Variants in LRRC4C observed in about 807,000 individuals in gnomAD.
The protein encoded by LRRC4C is leucine-rich repeat-containing protein 4C.
LRRC4C carries 5 observed loss-of-function variants against 33.6 expected under a neutral mutation model. The observed-to-expected ratio is 0.15, with a 90% CI of 0.08 to 0.31. The LOEUF is 0.31. LRRC4C is among the 10% of genes least tolerant of loss of function. LRRC4C has a pLI of 1.00. For missense variants in LRRC4C, 560 were observed against 796.7 expected, an observed-to-expected ratio of 0.70 and a Z score of 3.58; for synonymous variants, 329 against 302.0, an observed-to-expected ratio of 1.09 and a Z score of -0.93.
intron 3 of LRRC4C, among the ~76,000 whole-genome samples, chr11:40,557,494 T>C (rs1957376411): frequency 6.6e-6 from 1 of 152,218 alleles, no homozygotes; most frequent in Non-Finnish European, 1.5e-5. Context: ...ATTATCTTTA[T>C]GATTAGAAAA....
chr11:41,308,793 C>A (rs1018344754), intron 1 of LRRC4C, among the ~76,000 whole-genome samples: 1 of 151,714 alleles, frequency 6.6e-6, no homozygotes, highest in Non-Finnish European at 1.5e-5. Flanking sequence ...CCTGCAGATA[C>A]AACGTCTCTT....
At chr11:40,909,750 C>A (rs1056973259) in intron 2 of LRRC4C, among the ~76,000 whole-genome samples, 3 of 152,044 alleles carry the variant, frequency 2.0e-5, no homozygotes, top group East Asian at 1.9e-4. Context: ...TTACAAAGGG[C>A]AGTTTACTTA....
In LRRC4C at chr11:41,459,487, G is replaced by T. The variant is rs1459109166; in HGVS notation, c.-552C>A. On this transcript the variant is annotated 5_prime_UTR_variant, in exon 1 of 7. Coordinates refer to ENST00000528697, the MANE Select transcript of LRRC4C (RefSeq NM_001258419.2). ...AAAATTTACAATCCTCTAGCTTGCC[G>T]TGCACTACTCTATTTTCTTTTCTTC... 2 of 151,924 alleles carry T rather than the reference G, an allele frequency of 1.3e-5. No homozygotes were observed. The highest frequency in any genetic ancestry group is 2.9e-5 in the Non-Finnish European group (2 of 68,000). The allele number at this position is 151,924 out of a possible 1,614,324, so 9.4% of individuals were successfully genotyped here.
At chr11:41,254,679 G>C (rs1462191877) in intron 1 of LRRC4C, among the ~76,000 whole-genome samples, 4 of 151,962 alleles carry the variant, frequency 2.6e-5, no homozygotes, top group Non-Finnish European at 5.9e-5. Flanking sequence ...TAAGGAATTT[G>C]GATGTGAGGT....
At chr11:40,245,972 C>CCTTTTTT (rs1194665215) in intron 4 of LRRC4C, among the ~76,000 whole-genome samples, 3 of 132,116 alleles carry the variant, frequency 2.3e-5, no homozygotes, top group African/African-American at 5.4e-5. Context: ...AAAGTCCTAA[C>CCTTTTTT]TTTTTTTTTT....
At chr11:40,462,773 C>G (rs1952462217) in intron 3 of LRRC4C, among the ~76,000 whole-genome samples, 1 of 152,052 alleles carries the variant, frequency 6.6e-6, no homozygotes, top group African/African-American at 2.4e-5. Context: ...TTGCCTCCAG[C>G]TAGCATCAAT....
chr11:40,315,913 A>G (rs1945551139), intron 4 of LRRC4C, among the ~76,000 whole-genome samples: 1 of 152,024 alleles, frequency 6.6e-6, no homozygotes, highest in Non-Finnish European at 1.5e-5. Flanking sequence ...CATCCCATAG[A>G]GCTTACAATC....
chr11:41,189,837 C>T (rs1286802040), intron 1 of LRRC4C, among the ~76,000 whole-genome samples: 1 of 152,178 alleles, frequency 6.6e-6, no homozygotes, highest in Admixed American at 6.5e-5. Flanking sequence ...TCAATTCTGC[C>T]TAGCTAGCTC....
At position 40,482,286 on chromosome 11, in the gene LRRC4C, C is replaced by T. The variant is rs138372603; in HGVS notation, c.-269-162565G>A. ...AGAAACCTTGGGCTGGTAGTTCAGG[C>T]AAAACCCTTAGGACATTCAGATTAA... On this transcript the variant is annotated intron_variant, in intron 3 of 6. Coordinates refer to ENST00000528697, the MANE Select transcript of LRRC4C (RefSeq NM_001258419.2). 5.5e-3 allele frequency among the ~76,000 whole-genome samples: 834 copies of T among 152,168 alleles called. 22 individuals carry two copies. The highest frequency in any genetic ancestry group is 0.034 in the Admixed American group (518 of 15,274).
intron 3 of LRRC4C, among the ~76,000 whole-genome samples, chr11:40,507,148 A>C (rs1312575824): frequency 3.9e-5 from 6 of 152,122 alleles, no homozygotes; most frequent in Non-Finnish European, 7.4e-5. Context: ...AAAACCTTTA[A>C]AAATTAAATG....
At chr11:41,025,979 T>A (rs1350398738) in intron 1 of LRRC4C, among the ~76,000 whole-genome samples, 1 of 151,712 alleles carries the variant, frequency 6.6e-6, no homozygotes, top group Non-Finnish European at 1.5e-5. Flanking sequence ...ATTGACAATG[T>A]CCCTGGTCAC....
intron 5 of LRRC4C, among the ~76,000 whole-genome samples, chr11:40,202,933 C>T (rs971212503): frequency 6.6e-6 from 1 of 152,224 alleles, no homozygotes; most frequent in African/African-American, 2.4e-5. Context: ...TTTGCACTTG[C>T]AAGTCACTTC....
At chr11:40,769,591 TA>T (rs1005070337) in intron 2 of LRRC4C, among the ~76,000 whole-genome samples, 8 of 152,284 alleles carry the variant, frequency 5.3e-5, no homozygotes, top group Admixed American at 1.3e-4. Flanking sequence ...ATTACAGAGC[TA>T]TTGTAACCAA....
In LRRC4C at chr11:40,936,629, C is replaced by A. The variant is rs188819989; in HGVS notation, c.-495-2906G>T. Among the ~76,000 whole-genome samples the A allele has an allele frequency of 4.4e-3, 674 of 152,134 alleles. 5 individuals carry two copies. The highest frequency in any genetic ancestry group is 6.2e-3 in the Non-Finnish European group (422 of 68,006). The stretch of plus-strand genomic sequence containing the variant: ...GGGATTACAGGTGTGAGCCACCGTG[C>A]CCGGCCAGTATCTAACACTTTCAAG... On this transcript the variant is annotated intron_variant, in intron 1 of 6. Transcript: ENST00000528697.
At chr11:40,401,340 A>C (rs1279068019) in intron 3 of LRRC4C, among the ~76,000 whole-genome samples, 1 of 151,930 alleles carries the variant, frequency 6.6e-6, no homozygotes, top group Non-Finnish European at 1.5e-5. Context: ...CAGGGCATTC[A>C]CCTGAAATGT....
Position 40,569,694 on chromosome 11 carries a change from C to A in LRRC4C, c.-270+78448G>T, listed in dbSNP as rs184658965. 6.9e-3 allele frequency among the ~76,000 whole-genome samples: 1,043 copies of A among 152,168 alleles called. 11 individuals are homozygous for A. The highest frequency in any genetic ancestry group is 0.024 in the African/African-American group (1,001 of 41,512). On this transcript the variant is annotated intron_variant, in intron 3 of 6. Transcript: ENST00000528697. The stretch of plus-strand genomic sequence containing the variant: ...ATCATACATATAAATCATCTTCTAG[C>A]ACAAAGGCTGGTACCAAGAAAGTGA...
chr11:40,177,152 A>G (rs1202204443), intron 5 of LRRC4C, among the ~76,000 whole-genome samples: 2 of 151,856 alleles, frequency 1.3e-5, no homozygotes, highest in East Asian at 3.9e-4. Context: ...ACGGGGTTTC[A>G]TTGTGTTAGC....
chr11:40,454,468 T>C (rs766881995), intron 3 of LRRC4C, among the ~76,000 whole-genome samples: 1 of 152,132 alleles, frequency 6.6e-6, no homozygotes, highest in Non-Finnish European at 1.5e-5. Context: ...TGAGAAGAGA[T>C]ATCTGCTCAT....
chr11:41,008,519 A>C (rs927524601), intron 1 of LRRC4C, among the ~76,000 whole-genome samples: 1 of 152,058 alleles, frequency 6.6e-6, no homozygotes, highest in Non-Finnish European at 1.5e-5. Flanking sequence ...ACTCACTCAC[A>C]CTTGTATTCT....
Sources: gnomAD v4.1 joint callset for allele counts (sites outside exome capture counted in the v4.1 genomes callset) on GRCh38, gnomAD v4.1.1 for gene constraint, MANE v1.5 for transcripts, NCBI Gene and HGNC (gene_info 2026-07-23, HGNC 2026-07-21) for gene names.